ITGA11: variants seen among roughly 807,000 people sequenced by gnomAD.
The protein encoded by ITGA11 is integrin subunit alpha 11, also known as integrin alpha-11.
Under a neutral mutation model 141.9 loss-of-function variants are expected in ITGA11, and 97 were observed. The ratio of observed to expected loss-of-function variants is 0.68; its 90% CI spans 0.58 to 0.81. The LOEUF (loss-of-function observed/expected upper bound fraction) is 0.81. Among genes scored for constraint, ITGA11 ranks in the 30% least tolerant of loss-of-function variants. The pLI, the probability that ITGA11 is intolerant of heterozygous loss-of-function variation, is 0.00. For synonymous variants in ITGA11, 658 were observed against 624.6 expected, an observed-to-expected ratio of 1.05 and a Z score of -0.80; for missense variants, 1,387 against 1,559.2, an observed-to-expected ratio of 0.89 and a Z score of 1.86.
chr15:68,380,201 A>G (rs146466005), intron 2 of ITGA11, among the ~76,000 whole-genome samples: 1 of 152,204 alleles, frequency 6.6e-6, no homozygotes, highest in East Asian at 1.9e-4. Flanking sequence ...AGCCACAGGG[A>G]TTTGGGTAAC....
At chr15:68,414,560 A>C (rs1896844374) in intron 1 of ITGA11, among the ~76,000 whole-genome samples, 1 of 152,202 alleles carries the variant, frequency 6.6e-6, no homozygotes, top group African/African-American at 2.4e-5. Context: ...AAAATGAGGA[A>C]GTAGGGCCAG....
chr15:68,340,179 C>T lies in ITGA11; in HGVS notation c.1132-535G>A, dbSNP rs147616745. 4.4e-3 allele frequency among the ~76,000 whole-genome samples: 667 copies of T among 150,220 alleles called. 7 individuals carry two copies. Among genetic ancestry groups the T allele is most frequent in the Non-Finnish European group, 7.4e-3 (504 of 67,744 alleles). On this transcript the variant is annotated intron_variant, in intron 10 of 29. Transcript: ENST00000315757. ...CCAGGGATATTGTCCCCCGTATCCC[C>T]GCCCCCAACCACCAGCAACAGAGCT...
rs1289055929 is a variant in ITGA11 at position 68,339,703 on chromosome 15, C to A, written c.1132-59G>T. On this transcript the variant is annotated intron_variant, in intron 10 of 29. Coordinates refer to ENST00000315757, the MANE Select transcript of ITGA11 (RefSeq NM_001004439.2). ...GTCCTCATGGGCCAGTTGCCAGGAG[C>A]CACATCAGGTCCTATGACCAGTGAC... 7 of 1,600,980 alleles carry A rather than the reference C, an allele frequency of 4.4e-6. No homozygotes were observed. In the Admixed American group the frequency reaches 5.0e-5, roughly 11 times the overall value.
chr15:68,419,173 G>A (rs567093880), intron 1 of ITGA11, among the ~76,000 whole-genome samples: 19 of 152,246 alleles, frequency 1.2e-4, no homozygotes, highest in Admixed American at 3.3e-4. Flanking sequence ...TGGGGATGGC[G>A]GACTTTGGGG....
intron 2 of ITGA11, among the ~76,000 whole-genome samples, chr15:68,389,373 C>T (rs531669603): frequency 5.3e-5 from 8 of 152,342 alleles, no homozygotes; most frequent in African/African-American, 1.9e-4. Context: ...GCCCTGTGGA[C>T]ACCACAGCCT....
chr15:68,430,924 A>T (rs1172741816), intron 1 of ITGA11, among the ~76,000 whole-genome samples: 1 of 152,146 alleles, frequency 6.6e-6, no homozygotes, highest in East Asian at 1.9e-4. Flanking sequence ...AGGGGTCTCC[A>T]CCTGAGCTCC....
At chr15:68,336,276 G>C (rs1254778549) in intron 11 of ITGA11, among the ~76,000 whole-genome samples, 1 of 152,152 alleles carries the variant, frequency 6.6e-6, no homozygotes, top group Non-Finnish European at 1.5e-5. Flanking sequence ...AGACTAACCA[G>C]GGTTCTCTTT....
intron 7 of ITGA11, among the ~76,000 whole-genome samples, chr15:68,351,665 T>C (rs890661538): frequency 5.9e-5 from 9 of 152,108 alleles, no homozygotes; most frequent in Non-Finnish European, 1.2e-4. Flanking sequence ...CTTGCTGTTT[T>C]GGACAGGCCA....
At chr15:68,421,388 G>T (rs938067400) in intron 1 of ITGA11, among the ~76,000 whole-genome samples, 1 of 152,216 alleles carries the variant, frequency 6.6e-6, no homozygotes, top group African/African-American at 2.4e-5. Flanking sequence ...AAATGCAGGA[G>T]AGCCAGATCA....
rs1437756683 is a variant in ITGA11 at position 68,304,172 on chromosome 15, A to G, written c.3382-287T>C. ...ACTCCCTGGATCCTCCTCCCACCAC[A>G]TGGGCTACTCCTTCTCCCTTTGCTG... is the stretch of plus-strand genomic sequence containing the variant. On this transcript the variant is annotated intron_variant, in intron 28 of 29. Transcript: ENST00000315757. The surrounding 1 kb of genome is among the most constrained non-coding windows in gnomAD (Gnocchi z 6.1). 6.6e-6 allele frequency among the ~76,000 whole-genome samples: 1 copy of G among 152,112 alleles called. No individual in the cohort carries two copies. The highest frequency in any genetic ancestry group is 6.5e-5 in the Admixed American group (1 of 15,278).
rs552036403 is a variant in ITGA11 at position 68,328,284 on chromosome 15, G to T, written c.1902-22C>A. ...GGACCTGGAGGAGAAGGGCCAGTGA[G>T]CTGGGGTGGGGCAGGGGCTCAGGCT... On this transcript the variant is annotated intron_variant, in intron 15 of 29. Coordinates refer to ENST00000315757, the MANE Select transcript of ITGA11 (RefSeq NM_001004439.2). The surrounding 1 kb of genome is among the most constrained non-coding windows in gnomAD (Gnocchi z 4.8). 7 of 1,608,206 alleles carry T rather than the reference G, an allele frequency of 4.4e-6. No individual in the cohort carries two copies. The African/African-American group carries it at 8.0e-5, about 18-fold the overall frequency.
Position 68,343,993 on chromosome 15 carries a change from G to C in ITGA11, c.1132-4349C>G, listed in dbSNP as rs539873187. 7.9e-5 allele frequency among the ~76,000 whole-genome samples: 12 copies of C among 152,268 alleles called. No homozygotes were observed. The East Asian group carries it at 1.5e-3, about 20-fold the overall frequency. On this transcript the variant is annotated intron_variant, in intron 10 of 29. Transcript: ENST00000315757. Reference sequence around the variant, plus strand: ...CAGAAGGGGCCGCGGGGACCTGGGCGTGCTACACTGACTGCTCATTCCCCA... The same window carrying C: ...CAGAAGGGGCCGCGGGGACCTGGGCCTGCTACACTGACTGCTCATTCCCCA...
chr15:68,355,768 A>AT (rs5813487), intron 7 of ITGA11, among the ~76,000 whole-genome samples: 141,245 of 150,396 alleles, frequency 0.94, 66,550 homozygotes, highest in East Asian at 0.98. Flanking sequence ...TACTTTGTGG[A>AT]TTTTTTTTTT....
At chr15:68,370,569 G>A (rs1895557690) in intron 2 of ITGA11, among the ~76,000 whole-genome samples, 1 of 152,218 alleles carries the variant, frequency 6.6e-6, no homozygotes, top group African/African-American at 2.4e-5. Context: ...CTAGGCCTTG[G>A]GTGCCGGTCT....
rs755590010 is a variant in ITGA11 at position 68,333,168 on chromosome 15, T to C, written c.1426-690A>G. Reference sequence around the variant, plus strand: ...AGACTGGAGTGCAATGGTGCAATCTTGGCTCACTGTAGCCTCAAACTCCTG... The same window carrying C: ...AGACTGGAGTGCAATGGTGCAATCTCGGCTCACTGTAGCCTCAAACTCCTG... On this transcript the variant is annotated intron_variant, in intron 12 of 29. Coordinates refer to ENST00000315757, the MANE Select transcript of ITGA11 (RefSeq NM_001004439.2). This position sits in a 1 kb window ranked among gnomAD's most constrained non-coding sequence, Gnocchi z 4.2. Among the ~76,000 whole-genome samples, 2 of 151,968 alleles carry C rather than the reference T, an allele frequency of 1.3e-5. No homozygotes were observed. Among genetic ancestry groups the C allele is most frequent in the Non-Finnish European group, 2.9e-5 (2 of 67,982 alleles).
chr15:68,369,040 A>T (rs1895508967), intron 3 of ITGA11, 144 bp downstream of exon 3: 4 of 638,072 alleles, frequency 6.3e-6, no homozygotes, highest in South Asian at 2.0e-5. Flanking sequence ...TCATGTGTAA[A>T]GTGGGGGCAG....
chr15:68,409,030 G>A (rs1445285337), intron 1 of ITGA11, among the ~76,000 whole-genome samples: 1 of 152,228 alleles, frequency 6.6e-6, no homozygotes, highest in Non-Finnish European at 1.5e-5. Context: ...GCACTGCCTG[G>A]TGCAGGAAAG....
chr15:68,335,806 C>G lies in ITGA11; in HGVS notation c.1316G>C (p.Arg439Pro). 1.2e-6 allele frequency: 2 copies of G among 1,613,338 alleles called. No homozygotes were observed. Among genetic ancestry groups the G allele is most frequent in the Non-Finnish European group, 1.7e-6 (2 of 1,179,634 alleles). ...CCGGGGGGCTCCGGCCACGTACACCCGCCCCTGCCTGGAGGACACGACCGA... is the reference window on the plus strand; with the variant it reads ...CCGGGGGGCTCCGGCCACGTACACCGGCCCCTGCCTGGAGGACACGACCGA... Reference protein sequence around the residue: ...VTSVVSSRQGRVYVAGAPRFN... With the variant: ...VTSVVSSRQGPVYVAGAPRFN... Residue 439 changes from arginine (R) to proline (P), a missense_variant, in exon 12 of 30, where the codon CGG becomes CCG. By Grantham distance (103) the Arg-to-Pro change is moderately radical. Coordinates refer to ENST00000315757, the MANE Select transcript of ITGA11 (RefSeq NM_001004439.2). This position sits in a 1 kb window ranked among gnomAD's most constrained non-coding sequence, Gnocchi z 4.9.
At chr15:68,377,421 C>T (rs754707874) in intron 2 of ITGA11, among the ~76,000 whole-genome samples, 4 of 152,000 alleles carry the variant, frequency 2.6e-5, no homozygotes, top group East Asian at 3.9e-4. Flanking sequence ...TACAGGCATG[C>T]GCCACAATGC....
Sources: allele counts gnomAD v4.1 joint callset (sites outside exome capture counted in the v4.1 genomes callset), GRCh38; gene constraint gnomAD v4.1.1; non-coding constraint Gnocchi (gnomAD v3.1); transcripts MANE v1.5; gene names NCBI Gene and HGNC (gene_info 2026-07-23, HGNC 2026-07-21).